Variants in XRN2 observed in about 807,000 individuals in gnomAD.
XRN2 encodes 5'-3' exoribonuclease 2.
In XRN2, 44 loss-of-function variants were observed where a neutral mutation model predicts 138.5. The ratio of observed to expected loss-of-function variants is 0.32; its 90% CI spans 0.25 to 0.41. The LOEUF is 0.41. Among genes scored for constraint, XRN2 ranks in the 10% least tolerant of loss-of-function variants. The pLI is 1.00. For synonymous variants in XRN2, 354 were observed against 369.4 expected, an observed-to-expected ratio of 0.96 and a Z score of 0.48; for missense variants, 937 against 1,169.3, an observed-to-expected ratio of 0.80 and a Z score of 2.90.
intron 19 of XRN2, 66 bp downstream of exon 19, chr20:21,348,496 C>T: frequency 1.4e-6 from 2 of 1,446,548 alleles, no homozygotes; most frequent in South Asian, 2.4e-5. Context: ...ATATCAGTTA[C>T]AATTGCTTTT....
chr20:21,321,981 A>T (rs1229013786), intron 1 of XRN2, among the ~76,000 whole-genome samples: 1 of 152,246 alleles, frequency 6.6e-6, no homozygotes, highest in Non-Finnish European at 1.5e-5. Flanking sequence ...ACAATTAATT[A>T]GTCTAACATA....
Position 21,326,476 on chromosome 20 carries a change from G to C in XRN2, c.204-14G>C, listed in dbSNP as rs755722673. Reference sequence around the variant, plus strand: ...AACATTATATTATATTACATTGTTTGGTTGTCATTATAGACCAGCACCAAA... The same window carrying C: ...AACATTATATTATATTACATTGTTTCGTTGTCATTATAGACCAGCACCAAA... On this transcript the variant is annotated splice_polypyrimidine_tract_variant and intron_variant, in intron 2 of 29. Transcript: ENST00000377191. 6.2e-7 allele frequency: 1 copy of C among 1,613,856 alleles called. No individual in the cohort carries two copies.
intron 15 of XRN2, among the ~76,000 whole-genome samples, chr20:21,341,711 A>G (rs1414267405): frequency 6.6e-6 from 1 of 152,198 alleles, no homozygotes; most frequent in Non-Finnish European, 1.5e-5. Context: ...AATTTCTGTT[A>G]TTCTGTTAGT....
rs777670057 is a variant in XRN2, at chr20:21,334,083, C to T, written c.1131C>T (p.Tyr377=). The T allele has an allele frequency of 1.1e-5, 18 of 1,613,942 alleles. No individual in the cohort carries two copies. In the South Asian group the frequency reaches 1.9e-4, roughly 17 times the overall value. Residue 377 remains tyrosine, a synonymous_variant, in exon 13 of 30, where the codon TAC becomes TAT. Transcript: ENST00000377191. Reference sequence around the variant, plus strand: ...ATATATTTTATCACTTACAGGGTTACCTTACAGAAAGTGGTTATGTCAATC... The same window carrying T: ...ATATATTTTATCACTTACAGGGTTATCTTACAGAAAGTGGTTATGTCAATC... The part of the protein sequence containing the change: ...YKNVVHKTGG[Y]LTESGYVNLQ...
At chr20:21,373,325 G>A (rs1158598181) in intron 27 of XRN2, among the ~76,000 whole-genome samples, 2 of 152,162 alleles carry the variant, frequency 1.3e-5, no homozygotes, top group African/African-American at 4.8e-5. Flanking sequence ...TGTTTTCATT[G>A]CTTATAGTGT....
At chr20:21,333,030 G>T (rs552025995) in intron 9 of XRN2, among the ~76,000 whole-genome samples, 15 of 152,228 alleles carry the variant, frequency 9.9e-5, no homozygotes, top group African/African-American at 3.4e-4. Context: ...GGGGGAAAAA[G>T]AATATGGTGC....
chr20:21,381,351 C>T (rs1004644771), intron 27 of XRN2, among the ~76,000 whole-genome samples: 2 of 152,172 alleles, frequency 1.3e-5, no homozygotes, highest in Non-Finnish European at 2.9e-5. Flanking sequence ...TTCTTTCATC[C>T]TATATCCGTC....
intron 27 of XRN2, among the ~76,000 whole-genome samples, chr20:21,370,158 T>C (rs748655218): frequency 3.3e-5 from 5 of 152,166 alleles, no homozygotes; most frequent in Non-Finnish European, 7.3e-5. Context: ...CGAAAATGAG[T>C]TCACTGTAGA....
At chr20:21,350,673 T>C (rs1217557325) in intron 20 of XRN2, among the ~76,000 whole-genome samples, 3 of 151,722 alleles carry the variant, frequency 2.0e-5, no homozygotes, top group African/African-American at 7.3e-5. Flanking sequence ...TTTGGTAAAA[T>C]CATATTTTCA....
At chr20:21,318,385 A>G (rs71336743) in intron 1 of XRN2, among the ~76,000 whole-genome samples, 3,208 of 151,946 alleles carry the variant, frequency 0.021, 57 homozygotes, top group Admixed American at 0.057. Flanking sequence ...TGTTGGTTTC[A>G]TTGATTTTTC....
intron 20 of XRN2, among the ~76,000 whole-genome samples, chr20:21,354,588 T>C (rs1434951967): frequency 1.3e-5 from 2 of 152,170 alleles, no homozygotes; most frequent in East Asian, 3.8e-4. Context: ...GAATGGAAAA[T>C]ACGTAGAATT....
chr20:21,361,295 G>A (rs778702252), intron 24 of XRN2, among the ~76,000 whole-genome samples: 13 of 152,246 alleles, frequency 8.5e-5, no homozygotes, highest in Non-Finnish European at 1.6e-4. Flanking sequence ...ATGTGTTTAT[G>A]AAGACAATCA....
intron 1 of XRN2, among the ~76,000 whole-genome samples, chr20:21,322,303 A>C (rs1257349087): frequency 6.6e-6 from 1 of 152,228 alleles, no homozygotes; most frequent in Non-Finnish European, 1.5e-5. Context: ...ATCACCCATA[A>C]GTGTTAAAAT....
At chr20:21,313,851 G>C (rs925147191) in intron 1 of XRN2, among the ~76,000 whole-genome samples, 1 of 152,150 alleles carries the variant, frequency 6.6e-6, no homozygotes, top group Non-Finnish European at 1.5e-5. Flanking sequence ...ATTTATCCTT[G>C]ACCCTACATT....
rs139383828 is a variant in XRN2 at position 21,325,857 on chromosome 20, T to G, written c.76-422T>G. Among the ~76,000 whole-genome samples the G allele has an allele frequency of 2.6e-5, 4 of 152,318 alleles. No individual in the cohort carries two copies. The East Asian group carries it at 7.7e-4, about 29-fold the overall frequency. On this transcript the variant is annotated intron_variant, in intron 1 of 29. Coordinates refer to ENST00000377191, the MANE Select transcript of XRN2 (RefSeq NM_012255.5). The stretch of plus-strand genomic sequence containing the variant: ...GAGGTGGGGTAGACTAGATGAAGGT[T>G]GTTGTGCTCTTTTAGGTTAGAGATG...
chr20:21,309,672 T>G (rs990333665), intron 1 of XRN2, among the ~76,000 whole-genome samples: 1 of 152,176 alleles, frequency 6.6e-6, no homozygotes, highest in Non-Finnish European at 1.5e-5. Context: ...TTGGCTGACA[T>G]AAAGTTGTTC....
intron 28 of XRN2, among the ~76,000 whole-genome samples, chr20:21,385,712 A>G (rs1315845430): frequency 2.0e-5 from 3 of 152,206 alleles, no homozygotes; most frequent in Non-Finnish European, 2.9e-5. Flanking sequence ...GAGTGGGGGT[A>G]GAGAGGATGG....
chr20:21,366,107 ATATATAT>A, intron 26 of XRN2, among the ~76,000 whole-genome samples: 1 of 116,868 alleles, frequency 8.6e-6, no homozygotes, highest in South Asian at 2.4e-4. Flanking sequence ...ACATATATAA[ATATATAT>A]TATATTTATA....
chr20:21,312,597 C>G (rs2064758), intron 1 of XRN2, among the ~76,000 whole-genome samples: 101,961 of 149,408 alleles, frequency 0.68, 35,374 homozygotes, highest in South Asian at 0.84. Context: ...AAACCAAACC[C>G]CAAGATTTTT....
Sources: gnomAD v4.1 joint callset for allele counts (sites outside exome capture counted in the v4.1 genomes callset) on GRCh38, gnomAD v4.1.1 for gene constraint, MANE v1.5 for transcripts, NCBI Gene and HGNC (gene_info 2026-07-23, HGNC 2026-07-21) for gene names.